The following HERC3 variants were observed in gnomAD, a reference collection of about 807,000 sequenced individuals.
HERC3 encodes HECT and RLD domain containing E3 ubiquitin protein ligase 3, also known as probable E3 ubiquitin-protein ligase HERC3.
In HERC3, 58 loss-of-function variants were observed where a neutral mutation model predicts 129.9. The observed-to-expected ratio is 0.45, with a 90% CI of 0.36 to 0.56. The LOEUF is 0.56. HERC3 is among the 20% of genes least tolerant of loss of function. HERC3 has a pLI of 0.00. For synonymous variants in HERC3, 430 were observed against 451.0 expected (o/e 0.95, Z 0.59); for missense variants, 835 against 1,244.2 (o/e 0.67, Z 4.95).
chr4:88,679,372 A>G (rs138581894), intron 19 of HERC3, among the ~76,000 whole-genome samples: 192 of 152,316 alleles, frequency 1.3e-3, no homozygotes, highest in African/African-American at 4.1e-3. Context: ...TTTCTCCCAG[A>G]AAGTGTTCTT....
chr4:88,673,668 T>C (rs114677806), intron 16 of HERC3, among the ~76,000 whole-genome samples: 2,438 of 152,320 alleles, frequency 0.016, 61 homozygotes, highest in African/African-American at 0.056. Context: ...CACAAAATCA[T>C]GCAGATTTAT....
At chr4:88,689,788 G>C (rs886843362) in intron 23 of HERC3, among the ~76,000 whole-genome samples, 2 of 152,082 alleles carry the variant, frequency 1.3e-5, no homozygotes, top group Non-Finnish European at 2.9e-5. Flanking sequence ...ATGTTGGCCA[G>C]ACTGGTCTCG....
chr4:88,528,886 G>T, the HERC3 span, among the ~76,000 whole-genome samples: 4 of 152,104 alleles, frequency 2.6e-5, no homozygotes, highest in Admixed American at 2.6e-4. Context: ...ATAAATAAAA[G>T]TGATCTTAAT....
chr4:88,615,408 C>CTTAT lies in HERC3; in HGVS notation c.226+9359_226+9360insTTAT, dbSNP rs1724796352. Reference sequence around the variant, plus strand: ...CATGTAATGTTGAAATCTTTGATAACCCTCTAACAGATGTATGGTCTCATA... The same window carrying CTTAT: ...CATGTAATGTTGAAATCTTTGATAACTTATCCTCTAACAGATGTATGGTCTCATA... On this transcript the variant is annotated intron_variant, in intron 3 of 25. Coordinates refer to ENST00000402738, the MANE Select transcript of HERC3 (RefSeq NM_014606.3). Among the ~76,000 whole-genome samples the CTTAT allele has an allele frequency of 2.6e-5, 4 of 152,084 alleles. No homozygotes were observed. The South Asian group carries it at 8.3e-4, about 31-fold the overall frequency.
the HERC3 span, among the ~76,000 whole-genome samples, chr4:88,585,890 G>A: frequency 6.6e-6 from 1 of 152,034 alleles, no homozygotes; most frequent in East Asian, 1.9e-4. Context: ...GACTTAAAAT[G>A]ACTTACAAAA....
At position 88,685,110 on chromosome 4, in the gene HERC3, C is replaced by T. The variant is rs1186118481; in HGVS notation, c.2508-1626C>T. On this transcript the variant is annotated intron_variant, in intron 21 of 25. Coordinates refer to ENST00000402738, the MANE Select transcript of HERC3 (RefSeq NM_014606.3). ...CAGGAAACAACAGATGCTGGCAAGGCTCTGAAGAAATAGGAATGCTTTTAC... is the reference window on the plus strand; with the variant it reads ...CAGGAAACAACAGATGCTGGCAAGGTTCTGAAGAAATAGGAATGCTTTTAC... 3.9e-5 allele frequency among the ~76,000 whole-genome samples: 6 copies of T among 152,146 alleles called. No homozygotes were observed. In the South Asian group the frequency reaches 1.2e-3, roughly 31 times the overall value.
At position 88,654,115 on chromosome 4, in the gene HERC3, C is replaced by G. The variant is rs1309864008; in HGVS notation, c.759C>G (p.His253Gln). 6.2e-7 allele frequency: 1 copy of G among 1,612,418 alleles called. No individual in the cohort carries two copies. The highest frequency in any genetic ancestry group is 8.5e-7 in the Non-Finnish European group (1 of 1,178,874). The change falls in exon 7 of 26, where the codon CAC becomes CAG. Residue 253 changes from histidine (H) to glutamine (Q), a missense_variant. Coordinates refer to ENST00000402738, the MANE Select transcript of HERC3 (RefSeq NM_014606.3). ...KVVYISCGEE[H>Q]TAVLTKSGGV... ...TCTATATTAGTTGTGGAGAAGAACA[C>G]ACAGCAGTTCTCACAAAGGTAAGGA...
At chr4:88,655,382 A>T (rs1370887195) in intron 8 of HERC3, 78 bp downstream of exon 8, 1 of 1,494,430 alleles carries the variant, frequency 6.7e-7, no homozygotes, top group African/African-American at 1.4e-5. Flanking sequence ...GAAGAATGTG[A>T]TTATACCTAG....
At chr4:88,698,375 C>T (rs533782344) in intron 23 of HERC3, among the ~76,000 whole-genome samples, 1 of 152,128 alleles carries the variant, frequency 6.6e-6, no homozygotes, top group South Asian at 2.1e-4. Context: ...CCCAACACCC[C>T]CTTGGCCATC....
intron 4 of HERC3, 48 bp from the exon 5 acceptor site, chr4:88,651,964 G>A (rs773231730): frequency 8.4e-7 from 1 of 1,187,790 alleles, no homozygotes; most frequent in Admixed American, 1.7e-5. Context: ...TGATAATTGT[G>A]TTTGTGTGTG....
chr4:88,656,635 G>A (rs1729931155), intron 9 of HERC3: 1 of 152,530 alleles, frequency 6.6e-6, no homozygotes, highest in South Asian at 2.1e-4. Flanking sequence ...TTCAACATGA[G>A]TTTTGACCAG....
intron 23 of HERC3, among the ~76,000 whole-genome samples, chr4:88,702,059 G>T (rs1735368736): frequency 6.6e-6 from 1 of 152,244 alleles, no homozygotes; most frequent in East Asian, 1.9e-4. Flanking sequence ...CTCCCAAAGT[G>T]CTGGGATTAT....
chr4:88,688,873 ACT>A (rs948733486), intron 23 of HERC3, among the ~76,000 whole-genome samples: 12 of 152,082 alleles, frequency 7.9e-5, no homozygotes, highest in Non-Finnish European at 1.6e-4. Context: ...TAAAATGCAG[ACT>A]CTTGAGGATT....
rs73841603 is a variant in HERC3, at chr4:88,648,060, T to A, written c.227-1780T>A. 3.0e-3 allele frequency among the ~76,000 whole-genome samples: 463 copies of A among 152,312 alleles called. 4 individuals are homozygous for A. Among genetic ancestry groups the A allele is most frequent in the African/African-American group, 0.01 (436 of 41,572 alleles). On this transcript the variant is annotated intron_variant, in intron 3 of 25. Coordinates refer to ENST00000402738, the MANE Select transcript of HERC3 (RefSeq NM_014606.3). ...AAGTATTTTTGTTTGGTTATTATGA[T>A]TGCATGTACCATGATTGCTTTTCTT...
the HERC3 span, among the ~76,000 whole-genome samples, chr4:88,561,986 T>A: frequency 3.9e-5 from 6 of 152,212 alleles, no homozygotes; most frequent in Non-Finnish European, 5.9e-5. Context: ...AATGTACTGA[T>A]TTCCATTCTT....
At chr4:88,631,890 C>T (rs1726807319) in intron 3 of HERC3, among the ~76,000 whole-genome samples, 1 of 152,192 alleles carries the variant, frequency 6.6e-6, no homozygotes, top group African/African-American at 2.4e-5. Context: ...CTGTATGCAA[C>T]TATAAAACCT....
At chr4:88,689,527 C>A (rs1267583975) in intron 23 of HERC3, among the ~76,000 whole-genome samples, 3 of 122,094 alleles carry the variant, frequency 2.5e-5, no homozygotes, top group African/African-American at 1.1e-4. Context: ...TCCCCCCGCC[C>A]CCGCCAAAAA....
At chr4:88,617,442 G>A (rs1725031862) in intron 3 of HERC3, among the ~76,000 whole-genome samples, 1 of 152,110 alleles carries the variant, frequency 6.6e-6, no homozygotes, top group South Asian at 2.1e-4. Context: ...CATTAAAGGA[G>A]TCTTTAATTT....
At chr4:88,645,861 A>G (rs1228689289) in intron 3 of HERC3, among the ~76,000 whole-genome samples, 3 of 152,322 alleles carry the variant, frequency 2.0e-5, no homozygotes, top group South Asian at 2.1e-4. Flanking sequence ...AGGGGGAACT[A>G]CTGTCCTTTC....
Sources: allele counts gnomAD v4.1 joint callset (sites outside exome capture counted in the v4.1 genomes callset), GRCh38; gene constraint gnomAD v4.1.1; transcripts MANE v1.5; gene names NCBI Gene and HGNC (gene_info 2026-07-23, HGNC 2026-07-21).